ADAMTS3: variants seen among roughly 807,000 people sequenced by gnomAD.
ADAMTS3 encodes A disintegrin and metalloproteinase with thrombospondin motifs 3.
In ADAMTS3, 73 loss-of-function variants were observed where a neutral mutation model predicts 129.0. The observed-to-expected ratio is 0.57, with a 90% CI of 0.47 to 0.69. ADAMTS3 has a LOEUF of 0.69. Ranked by LOEUF, ADAMTS3 falls within the 30% of genes least tolerant of loss-of-function variation. The pLI is 0.00. For missense variants in ADAMTS3, 1,457 were observed against 1,514.5 expected, an observed-to-expected ratio of 0.96 and a Z score of 0.63; for synonymous variants, 477 against 510.8, an observed-to-expected ratio of 0.93 and a Z score of 0.89.
At chr4:72,318,917 G>C (rs1719476841) in intron 9 of ADAMTS3, among the ~76,000 whole-genome samples, 1 of 152,158 alleles carries the variant, frequency 6.6e-6, no homozygotes, top group South Asian at 2.1e-4. Context: ...AACCAAGCAT[G>C]ACTTAGGAAT....
intron 14 of ADAMTS3, among the ~76,000 whole-genome samples, chr4:72,310,054 A>G (rs1719192212): frequency 6.6e-6 from 1 of 152,068 alleles, no homozygotes; most frequent in African/African-American, 2.4e-5. Context: ...GTTCATGGAA[A>G]GTGGGTGCAG....
intron 3 of ADAMTS3, among the ~76,000 whole-genome samples, chr4:72,542,428 T>G (rs1266447139): frequency 6.6e-6 from 1 of 152,166 alleles, no homozygotes; most frequent in African/African-American, 2.4e-5. Flanking sequence ...CCTCCCAAAG[T>G]GCTGGGATTA....
chr4:72,525,690 C>A (rs1046952159), intron 3 of ADAMTS3, among the ~76,000 whole-genome samples: 9 of 152,104 alleles, frequency 5.9e-5, no homozygotes, highest in Non-Finnish European at 1.2e-4. Flanking sequence ...CCTTTCACAC[C>A]CTTCCTGAGC....
At chr4:72,489,304 T>C (rs1428665414) in intron 3 of ADAMTS3, among the ~76,000 whole-genome samples, 2 of 151,980 alleles carry the variant, frequency 1.3e-5, no homozygotes, top group African/African-American at 4.8e-5. Flanking sequence ...TTGCTTTCTA[T>C]GGTTTCGATC....
chr4:72,376,236 C>T (rs186960961), intron 4 of ADAMTS3, among the ~76,000 whole-genome samples: 1 of 152,228 alleles, frequency 6.6e-6, no homozygotes, highest in East Asian at 1.9e-4. Flanking sequence ...GCTCATAGTT[C>T]TTAAGGCTGG....
At chr4:72,489,414 A>T (rs114097902) in intron 3 of ADAMTS3, among the ~76,000 whole-genome samples, 233 of 152,058 alleles carry the variant, frequency 1.5e-3, no homozygotes, top group African/African-American at 5.3e-3. Context: ...GCATGATGAA[A>T]TCTAATGTCA....
intron 16 of ADAMTS3, among the ~76,000 whole-genome samples, chr4:72,305,740 T>C (rs1362120362): frequency 1.3e-5 from 2 of 151,898 alleles, no homozygotes; most frequent in East Asian, 1.9e-4. Flanking sequence ...TGCACATGTA[T>C]GTACATATAC....
rs535093111 is a variant in ADAMTS3, at chr4:72,501,045, G to A, written c.504+47433C>T. On this transcript the variant is annotated intron_variant, in intron 3 of 21. Transcript: ENST00000286657. ...ATTGTATAGTTTGAGGTCAGGTAAT[G>A]TGAGGCCTCTGGCTTTGTTCTTTTT... 1.8e-4 allele frequency among the ~76,000 whole-genome samples: 27 copies of A among 152,196 alleles called. 1 individual carries two copies. The highest frequency in any genetic ancestry group is 1.5e-3 in the Admixed American group (23 of 15,282).
chr4:72,552,790 C>T (rs929040419), intron 2 of ADAMTS3, among the ~76,000 whole-genome samples: 1 of 152,132 alleles, frequency 6.6e-6, no homozygotes, highest in Non-Finnish European at 1.5e-5. Flanking sequence ...TTAAATGTGA[C>T]CCTCTCAGTG....
chr4:72,469,254 G>A (rs948737036), intron 3 of ADAMTS3, among the ~76,000 whole-genome samples: 10 of 152,094 alleles, frequency 6.6e-5, no homozygotes, highest in Admixed American at 5.9e-4. Flanking sequence ...AGAGGCTGGT[G>A]AATACAGATA....
chr4:72,514,517 G>A (rs1191181636), intron 3 of ADAMTS3, among the ~76,000 whole-genome samples: 2 of 152,140 alleles, frequency 1.3e-5, no homozygotes, highest in Non-Finnish European at 2.9e-5. Flanking sequence ...CTCTCTCGCA[G>A]AAGTTTTGTT....
At chr4:72,540,841 G>A (rs1426454498) in intron 3 of ADAMTS3, among the ~76,000 whole-genome samples, 1 of 152,186 alleles carries the variant, frequency 6.6e-6, no homozygotes, top group Non-Finnish European at 1.5e-5. Context: ...AGATTTCAGA[G>A]GATGTATGGA....
At chr4:72,382,143 T>A in intron 4 of ADAMTS3, among the ~76,000 whole-genome samples, 1 of 152,134 alleles carries the variant, frequency 6.6e-6, no homozygotes, top group Non-Finnish European at 1.5e-5. Context: ...TAAGGACCCA[T>A]CCCTGCTATG....
chr4:72,416,690 T>C (rs527361517), intron 3 of ADAMTS3, among the ~76,000 whole-genome samples: 2 of 152,332 alleles, frequency 1.3e-5, no homozygotes, highest in East Asian at 3.9e-4. Flanking sequence ...GTTGTTCCTA[T>C]TGGTTAATGG....
chr4:72,486,018 T>C (rs559724040), intron 3 of ADAMTS3, among the ~76,000 whole-genome samples: 3 of 152,318 alleles, frequency 2.0e-5, no homozygotes, highest in African/African-American at 7.2e-5. Flanking sequence ...AATAAATTTC[T>C]GTTGTTTAGA....
At position 72,479,913 on chromosome 4, in the gene ADAMTS3, A is replaced by G. The variant is rs200919727; in HGVS notation, c.505-64942T>C. Among the ~76,000 whole-genome samples the G allele has an allele frequency of 0.019, 2,924 of 152,294 alleles. 132 individuals carry two copies. In the East Asian group the frequency reaches 0.19, roughly 10 times the overall value. On this transcript the variant is annotated intron_variant, in intron 3 of 21. Transcript: ENST00000286657. ...ATGAACAGACACTTCTCAAAAGAAG[A>G]CATTTATGCAGCCAAAAGACACATG...
intron 3 of ADAMTS3, among the ~76,000 whole-genome samples, chr4:72,508,687 C>T (rs1380090727): frequency 6.6e-6 from 1 of 151,936 alleles, no homozygotes; most frequent in East Asian, 1.9e-4. Context: ...AGGAGGAATA[C>T]TATTTTGGCA....
chr4:72,293,994 A>T (rs1718743532), intron 19 of ADAMTS3, among the ~76,000 whole-genome samples: 1 of 152,090 alleles, frequency 6.6e-6, no homozygotes, highest in South Asian at 2.1e-4. Flanking sequence ...AGGAGAGAAA[A>T]TCCAAGCTAC....
chr4:72,410,256 T>C (rs1327804210), intron 4 of ADAMTS3, among the ~76,000 whole-genome samples: 1 of 152,144 alleles, frequency 6.6e-6, no homozygotes, highest in Non-Finnish European at 1.5e-5. Flanking sequence ...TCTTGTTTCA[T>C]AGTTTCATTC....
Sources: gnomAD v4.1 joint callset for allele counts (sites outside exome capture counted in the v4.1 genomes callset) on GRCh38, gnomAD v4.1.1 for gene constraint, MANE v1.5 for transcripts, NCBI Gene and HGNC (gene_info 2026-07-23, HGNC 2026-07-21) for gene names.